TRIM24: variants seen among roughly 807,000 people sequenced by gnomAD.
TRIM24 encodes the protein transcription intermediary factor 1-alpha.
Under a neutral mutation model 123.9 loss-of-function variants are expected in TRIM24, and 29 were observed. That is an observed-to-expected ratio of 0.23 (90% CI 0.17 to 0.32). The LOEUF is 0.32. TRIM24 is among the 10% of genes least tolerant of loss of function. The probability of loss-of-function intolerance (pLI) is 1.00; values close to 1 mark genes in which losing one functional copy is unlikely to be tolerated. For missense variants in TRIM24, 932 were observed against 1,295.3 expected, an observed-to-expected ratio of 0.72 and a Z score of 4.31; for synonymous variants, 456 against 461.1, an observed-to-expected ratio of 0.99 and a Z score of 0.14.
intron 2 of TRIM24, among the ~76,000 whole-genome samples, chr7:138,507,913 GAC>G (rs2116536523): frequency 6.6e-6 from 1 of 150,506 alleles, no homozygotes; most frequent in East Asian, 1.9e-4. Context: ...CAGCCTGGGT[GAC>G]AGAGTGAGAC....
chr7:138,546,366 G>A (rs1797102756), intron 7 of TRIM24, among the ~76,000 whole-genome samples: 2 of 152,176 alleles, frequency 1.3e-5, no homozygotes, highest in Admixed American at 1.3e-4. Flanking sequence ...CTGAGCAACT[G>A]AAAAATGAGG....
At chr7:138,518,756 T>C (rs1796449136) in intron 3 of TRIM24, among the ~76,000 whole-genome samples, 1 of 152,170 alleles carries the variant, frequency 6.6e-6, no homozygotes, top group Non-Finnish European at 1.5e-5. Context: ...TCAACTCAGC[T>C]TCCTGAATAG....
chr7:138,519,064 TGGTATAGTATA>T, intron 3 of TRIM24, 114 bp from the exon 4 acceptor site: 1 of 1,067,892 alleles, frequency 9.4e-7, no homozygotes, highest in Non-Finnish European at 1.3e-6. Flanking sequence ...GTGAAAGTTA[TGGTATAGTATA>T]GGTGAAGCTG....
intron 6 of TRIM24, among the ~76,000 whole-genome samples, chr7:138,529,734 T>A (rs1796689556): frequency 6.6e-6 from 1 of 152,220 alleles, no homozygotes; most frequent in African/African-American, 2.4e-5. Context: ...TGTTTCTCAC[T>A]GCAGGTAAGA....
chr7:138,584,142 A>G, intron 18 of TRIM24, 143 bp downstream of exon 18: 1 of 862,262 alleles, frequency 1.2e-6, no homozygotes, highest in African/African-American at 1.7e-5. Flanking sequence ...TGCAAGAGAT[A>G]ATTCAGATAA....
intron 7 of TRIM24, 97 bp from the exon 8 acceptor site, chr7:138,550,966 T>G: frequency 1.1e-6 from 1 of 894,200 alleles, no homozygotes; most frequent in Non-Finnish European, 1.8e-6. Flanking sequence ...TTGTTTATTG[T>G]GTATTGATGT....
chr7:138,479,455 C>T (rs1176834490), intron 1 of TRIM24, among the ~76,000 whole-genome samples: 1 of 151,922 alleles, frequency 6.6e-6, no homozygotes, highest in Non-Finnish European at 1.5e-5. Context: ...TCACTGCAGC[C>T]TTTATCTGCC....
chr7:138,518,830 C>A (rs963583895), intron 3 of TRIM24, among the ~76,000 whole-genome samples: 1 of 152,144 alleles, frequency 6.6e-6, no homozygotes, highest in African/African-American at 2.4e-5. Flanking sequence ...TTCAAAAAAT[C>A]TCCTCCCATA....
intron 1 of TRIM24, among the ~76,000 whole-genome samples, chr7:138,475,526 T>G (rs1357932128): frequency 2.0e-5 from 3 of 152,212 alleles, no homozygotes; most frequent in Non-Finnish European, 2.9e-5. Flanking sequence ...TTTGTTTTCT[T>G]TCGTTGCTGT....
chr7:138,589,131 T>C lies in TRIM24; in HGVS notation c.*4180T>C, dbSNP rs1012134898. Reference sequence around the variant, plus strand: ...TATTTTATAGCCCTATGTAAATTAATAGTTGATGTCTTTTTATAAATGTTT... The same window carrying C: ...TATTTTATAGCCCTATGTAAATTAACAGTTGATGTCTTTTTATAAATGTTT... On this transcript the variant is annotated 3_prime_UTR_variant, in exon 19 of 19. Transcript: ENST00000343526. 2 of 152,188 alleles carry C rather than the reference T, an allele frequency of 1.3e-5. No individual in the cohort carries two copies. Among genetic ancestry groups the C allele is most frequent in the African/African-American group, 4.8e-5 (2 of 41,460 alleles). The allele number at this position is 152,188 out of a possible 1,614,324, so 9.4% of individuals were successfully genotyped here.
chr7:138,565,094 A>G (rs1003509961), intron 9 of TRIM24, among the ~76,000 whole-genome samples: 3 of 152,034 alleles, frequency 2.0e-5, no homozygotes, highest in Non-Finnish European at 2.9e-5. Context: ...CTCAGAGTGT[A>G]TGGTCTACGC....
intron 9 of TRIM24, among the ~76,000 whole-genome samples, chr7:138,557,768 C>G (rs1797344859): frequency 2.0e-5 from 3 of 152,176 alleles, no homozygotes; most frequent in Admixed American, 6.5e-5. Flanking sequence ...TGAGAAATAG[C>G]ATTTCTCGTT....
At chr7:138,578,563 T>TGTGTGCGCAC (rs145011901) in intron 14 of TRIM24, among the ~76,000 whole-genome samples, 4 of 144,990 alleles carry the variant, frequency 2.8e-5, no homozygotes, top group South Asian at 2.2e-4. Context: ...TGTGTGTGTG[T>TGTGTGCGCAC]GCGCGCACGC....
chr7:138,539,126 TG>T (rs1174248123), intron 7 of TRIM24, among the ~76,000 whole-genome samples: 1 of 152,166 alleles, frequency 6.6e-6, no homozygotes, highest in Non-Finnish European at 1.5e-5. Context: ...AGAATTTCCA[TG>T]TAATATTTAA....
intron 2 of TRIM24, among the ~76,000 whole-genome samples, chr7:138,509,557 A>G (rs1796241266): frequency 6.6e-6 from 1 of 150,570 alleles, no homozygotes; most frequent in African/African-American, 2.4e-5. Context: ...CAAAAAAATT[A>G]GCTGGGCATG....
chr7:138,527,367 T>C (rs1796632227), intron 5 of TRIM24, among the ~76,000 whole-genome samples: 1 of 152,256 alleles, frequency 6.6e-6, no homozygotes. Context: ...CTTTGTTAAG[T>C]GCAAATTGCT....
chr7:138,583,810 A>G, intron 17 of TRIM24, 40 bp from the exon 18 acceptor site: 1 of 1,358,144 alleles, frequency 7.4e-7, no homozygotes, highest in Non-Finnish European at 1.0e-6. Context: ...ACAAGGTGGA[A>G]TTTAGCTATT....
intron 4 of TRIM24, among the ~76,000 whole-genome samples, chr7:138,521,867 T>C (rs1796509910): frequency 1.3e-5 from 2 of 152,174 alleles, no homozygotes; most frequent in South Asian, 4.1e-4. Context: ...CTGAAAGATA[T>C]GAGTTGTAAA....
At chr7:138,497,872 T>C (rs1355538743) in intron 1 of TRIM24, among the ~76,000 whole-genome samples, 2 of 151,598 alleles carry the variant, frequency 1.3e-5, no homozygotes, top group African/African-American at 2.4e-5. Flanking sequence ...TTATTTTTAT[T>C]TGTAGAGGTG....
Sources: allele counts gnomAD v4.1 joint callset (sites outside exome capture counted in the v4.1 genomes callset), GRCh38; gene constraint gnomAD v4.1.1; transcripts MANE v1.5; gene names NCBI Gene and HGNC (gene_info 2026-07-23, HGNC 2026-07-21).